The following CSMD1 variants were observed in gnomAD, a reference collection of about 807,000 sequenced individuals.
The protein encoded by CSMD1 is CUB and sushi domain-containing protein 1.
In CSMD1, 213 loss-of-function variants were observed where a neutral mutation model predicts 417.5. The ratio of observed to expected loss-of-function variants is 0.51; its 90% CI spans 0.46 to 0.57. CSMD1 has a LOEUF of 0.57. CSMD1 is among the 20% of genes least tolerant of loss of function. The pLI is 0.00. For missense variants in CSMD1, 6,923 were observed against 4,529.7 expected (o/e 1.53, Z -15.17); for synonymous variants, 2,862 against 1,736.8 (o/e 1.65, Z -16.11).
chr8:4,849,295 T>G (rs574282717), intron 1 of CSMD1, among the ~76,000 whole-genome samples: 1 of 152,096 alleles, frequency 6.6e-6, no homozygotes, highest in East Asian at 1.9e-4. Context: ...TACAAAAGAG[T>G]CACATGTTTA....
chr8:4,922,644 C>T (rs1430851955), intron 1 of CSMD1, among the ~76,000 whole-genome samples: 2 of 152,186 alleles, frequency 1.3e-5, no homozygotes, highest in African/African-American at 2.4e-5. Flanking sequence ...ATCTTGTCCA[C>T]AGTTCACATG....
chr8:4,255,796 C>T (rs149077325), intron 3 of CSMD1, among the ~76,000 whole-genome samples: 2 of 152,310 alleles, frequency 1.3e-5, no homozygotes, highest in South Asian at 2.1e-4. Context: ...AGCTCCATTC[C>T]ATGGCCTCCT....
intron 2 of CSMD1, among the ~76,000 whole-genome samples, chr8:4,601,376 A>T (rs1274167957): frequency 6.6e-6 from 1 of 152,206 alleles, no homozygotes; most frequent in African/African-American, 2.4e-5. Flanking sequence ...AGTGTCTGTT[A>T]TCATGGCATT....
At chr8:4,585,514 G>C (rs999006772) in intron 2 of CSMD1, among the ~76,000 whole-genome samples, 2 of 152,144 alleles carry the variant, frequency 1.3e-5, no homozygotes, top group East Asian at 1.9e-4. Flanking sequence ...TATTTGAAGA[G>C]ATAATGACAG....
chr8:3,859,215 A>T (rs1804521522), intron 5 of CSMD1, among the ~76,000 whole-genome samples: 1 of 152,144 alleles, frequency 6.6e-6, no homozygotes, highest in Non-Finnish European at 1.5e-5. Context: ...GTACGTGGGA[A>T]AGCCACCATT....
intron 1 of CSMD1, among the ~76,000 whole-genome samples, chr8:4,656,357 G>A (rs1190472479): frequency 6.6e-6 from 1 of 152,036 alleles, no homozygotes. Flanking sequence ...GCATGGTTGT[G>A]CAAAGTTGCC....
chr8:4,009,412 A>C (rs1004374185), intron 4 of CSMD1, among the ~76,000 whole-genome samples: 1 of 152,222 alleles, frequency 6.6e-6, no homozygotes, highest in Non-Finnish European at 1.5e-5. Context: ...ATAAAGAAAA[A>C]TTGAAATAAT....
intron 5 of CSMD1, among the ~76,000 whole-genome samples, chr8:3,880,005 G>A (rs750643302): frequency 1.3e-5 from 2 of 152,000 alleles, no homozygotes; most frequent in Admixed American, 1.3e-4. Flanking sequence ...ATTCTGTACC[G>A]AAGTTACTGA....
At chr8:3,492,260 T>C (rs554462338) in intron 11 of CSMD1, among the ~76,000 whole-genome samples, 4 of 152,274 alleles carry the variant, frequency 2.6e-5, no homozygotes, top group African/African-American at 9.6e-5. Flanking sequence ...TGAGCTCTTC[T>C]GCTCTCAGAG....
At chr8:3,124,482 C>G (rs1003144598) in intron 41 of CSMD1, among the ~76,000 whole-genome samples, 2 of 152,148 alleles carry the variant, frequency 1.3e-5, no homozygotes, top group African/African-American at 2.4e-5. Context: ...TGGTGCAGAT[C>G]AGGAAAAGAC....
chr8:3,605,938 C>T (rs1010053368), intron 8 of CSMD1, among the ~76,000 whole-genome samples: 2 of 152,138 alleles, frequency 1.3e-5, no homozygotes, highest in Non-Finnish European at 2.9e-5. Flanking sequence ...GCTTGTTAGC[C>T]TCAGTTTAAT....
rs540850912 is a variant in CSMD1, at chr8:4,394,141, G to T, written c.415+25812C>A. On this transcript the variant is annotated intron_variant, in intron 3 of 69. Transcript: ENST00000635120. ...AGATTATCTTCTAAGTATTATTATT[G>T]AGAGCTTATTCATTTGAACTATCAT... Among the ~76,000 whole-genome samples the T allele has an allele frequency of 7.2e-5, 11 of 152,234 alleles. No individual in the cohort carries two copies. The East Asian group carries it at 2.1e-3, about 29-fold the overall frequency.
intron 7 of CSMD1, among the ~76,000 whole-genome samples, chr8:3,678,003 G>A (rs977310553): frequency 6.6e-6 from 1 of 152,144 alleles, no homozygotes; most frequent in East Asian, 1.9e-4. Flanking sequence ...CATCTGGGGT[G>A]TCTGCCTATC....
intron 1 of CSMD1, among the ~76,000 whole-genome samples, chr8:4,825,759 T>C (rs961884109): frequency 1.4e-5 from 2 of 145,252 alleles, no homozygotes; most frequent in African/African-American, 5.0e-5. Context: ...TATAGAGATA[T>C]ACATGAAGCT....
In CSMD1 at chr8:3,219,288, C is replaced by G. The variant is rs1269511062; in HGVS notation, c.4639G>C (p.Val1547Leu). The G allele has an allele frequency of 4.4e-6, 7 of 1,594,976 alleles. No individual in the cohort carries two copies. The highest frequency in any genetic ancestry group is 6.0e-6 in the Non-Finnish European group (7 of 1,169,812). The change falls in exon 29 of 70, where the codon GTG (valine) becomes CTG (leucine). Residue 1547 changes from valine to leucine, a missense_variant. Coordinates refer to ENST00000635120, the MANE Select transcript of CSMD1 (RefSeq NM_033225.6). ...LFLAFRSDAS[V>L]GLSGFAIEFK... ...TCAATGGCGAACCCTGAAAGGCCCA[C>G]GGAGGCATCACTCCGAAATGCCAGA...
rs777670241 is a variant in CSMD1, at chr8:3,407,995, C to T, written c.1975G>A (p.Val659Met). Residue 659 changes from valine (V) to methionine (M), a missense_variant, in exon 14 of 70, where the codon GTG (valine) becomes ATG (methionine). Physicochemically the swap from Val to Met is conservative, Grantham distance 21. Coordinates refer to ENST00000635120, the MANE Select transcript of CSMD1 (RefSeq NM_033225.6). Reference sequence around the variant, plus strand: ...CCACTGCTGGCCAGCTGGGAAGGCACTTCATTGCCAGAAAAAGTACCCAGG... The same window carrying T: ...CCACTGCTGGCCAGCTGGGAAGGCATTTCATTGCCAGAAAAAGTACCCAGG... ...TVLGTFSGNE[V>M]PSQLASSGHI... 6.2e-7 allele frequency: 1 copy of T among 1,613,936 alleles called. No homozygotes were observed. The highest frequency in any genetic ancestry group is 8.5e-7 in the Non-Finnish European group (1 of 1,179,870).
chr8:3,911,346 C>T (rs149802881), intron 5 of CSMD1, among the ~76,000 whole-genome samples: 1,928 of 151,174 alleles, frequency 0.013, 32 homozygotes, highest in African/African-American at 0.045. Flanking sequence ...AGCTAACACA[C>T]TGAAACCCCA....
chr8:3,949,227 T>G (rs1483321161), intron 5 of CSMD1, among the ~76,000 whole-genome samples: 1 of 152,178 alleles, frequency 6.6e-6, no homozygotes, highest in Non-Finnish European at 1.5e-5. Context: ...AATCTTCTGT[T>G]AGCAATTTTG....
chr8:4,107,525 A>T (rs1364421303), intron 3 of CSMD1, among the ~76,000 whole-genome samples: 1 of 152,204 alleles, frequency 6.6e-6, no homozygotes, highest in Non-Finnish European at 1.5e-5. Context: ...GCACTAATTG[A>T]TATCTGGGCT....
Sources: gnomAD v4.1 joint callset for allele counts (sites outside exome capture counted in the v4.1 genomes callset) on GRCh38, gnomAD v4.1.1 for gene constraint, MANE v1.5 for transcripts, NCBI Gene and HGNC (gene_info 2026-07-23, HGNC 2026-07-21) for gene names.